Variants in MYO16 observed in about 807,000 individuals in gnomAD.
MYO16 encodes the protein myosin XVI.
Under a neutral mutation model 205.3 loss-of-function variants are expected in MYO16, and 94 were observed. The ratio of observed to expected loss-of-function variants is 0.46; its 90% CI spans 0.39 to 0.54. MYO16 has a LOEUF of 0.54. Among genes scored for constraint, MYO16 ranks in the 20% least tolerant of loss-of-function variants. MYO16 has a pLI of 0.00. For missense variants in MYO16, 2,315 were observed against 2,387.5 expected, an observed-to-expected ratio of 0.97 and a Z score of 0.63; for synonymous variants, 988 against 954.0, an observed-to-expected ratio of 1.04 and a Z score of -0.66.
chr13:108,583,191 T>A, the MYO16 span, among the ~76,000 whole-genome samples: 1 of 152,210 alleles, frequency 6.6e-6, no homozygotes, highest in African/African-American at 2.4e-5. Context: ...AAATCAGCTA[T>A]GTAGAATTCT....
At chr13:109,144,107 C>T (rs1224976130) in intron 32 of MYO16, among the ~76,000 whole-genome samples, 2 of 151,456 alleles carry the variant, frequency 1.3e-5, no homozygotes, top group Non-Finnish European at 2.9e-5. Context: ...CTCTGCCTTC[C>T]AAGTTCAAGC....
chr13:108,734,507 G>C (rs1884626764), intron 4 of MYO16, among the ~76,000 whole-genome samples: 1 of 152,118 alleles, frequency 6.6e-6, no homozygotes, highest in Non-Finnish European at 1.5e-5. Context: ...CACCTATGTT[G>C]GACAGAGTTT....
chr13:108,996,186 A>T (rs988016052), intron 21 of MYO16, among the ~76,000 whole-genome samples: 1 of 152,268 alleles, frequency 6.6e-6, no homozygotes, highest in African/African-American at 2.4e-5. Flanking sequence ...TATAATAAGT[A>T]CAATACTAGT....
chr13:108,518,719 A>T, the MYO16 span, among the ~76,000 whole-genome samples: 1 of 152,250 alleles, frequency 6.6e-6, no homozygotes, highest in Non-Finnish European at 1.5e-5. Flanking sequence ...CTAAGGACAG[A>T]TATTTAAAAA....
Position 109,141,816 on chromosome 13 carries a change from C to T in MYO16, c.5164+440C>T, listed in dbSNP as rs1877113481. On this transcript the variant is annotated intron_variant, in intron 32 of 34. Transcript: ENST00000457511. The surrounding 1 kb of genome is among the most constrained non-coding windows in gnomAD (Gnocchi z 4.1). ...CCCGAGCGTGCGGTTTGCCATCCAT[C>T]TAGCTTTGCCTGGCGGTGTCTGGGA... Among the ~76,000 whole-genome samples the T allele has an allele frequency of 1.3e-5, 2 of 152,218 alleles. No individual in the cohort carries two copies. The highest frequency in any genetic ancestry group is 2.1e-4 in the South Asian group (1 of 4,834).
the MYO16 span, among the ~76,000 whole-genome samples, chr13:108,497,724 T>G: frequency 6.6e-6 from 1 of 152,182 alleles, no homozygotes; most frequent in South Asian, 2.1e-4. Context: ...ATTAATACTA[T>G]GAAGGTTTCT....
chr13:108,947,165 G>A (rs1427527983), intron 16 of MYO16, among the ~76,000 whole-genome samples: 2 of 152,160 alleles, frequency 1.3e-5, no homozygotes, highest in Non-Finnish European at 2.9e-5. Context: ...TAAAGTTTTG[G>A]TGAAGATGCC....
At chr13:109,023,157 T>A (rs1163285018) in intron 23 of MYO16, among the ~76,000 whole-genome samples, 1 of 130,098 alleles carries the variant, frequency 7.7e-6, no homozygotes, top group Non-Finnish European at 1.5e-5. Flanking sequence ...ATGTATTATA[T>A]ATACAAATAC....
At position 109,144,309 on chromosome 13, in the gene MYO16, C is replaced by T. The variant is rs114290958; in HGVS notation, c.5164+2933C>T. 4.7e-3 allele frequency among the ~76,000 whole-genome samples: 712 copies of T among 152,210 alleles called. 8 individuals are homozygous for T. The highest frequency in any genetic ancestry group is 0.016 in the African/African-American group (670 of 41,534). ...GGATTACAGACGTGAACCACCATGC[C>T]CGGCCAAATGTATAATTCTTTATGG... On this transcript the variant is annotated intron_variant, in intron 32 of 34. Transcript: ENST00000457511.
At chr13:108,544,527 ACAATC>A in the MYO16 span, among the ~76,000 whole-genome samples, 2 of 152,204 alleles carry the variant, frequency 1.3e-5, no homozygotes, top group Non-Finnish European at 2.9e-5. Context: ...TGTGTCACAA[ACAATC>A]CAATTATACT....
At chr13:108,567,432 G>A in the MYO16 span, among the ~76,000 whole-genome samples, 1 of 152,096 alleles carries the variant, frequency 6.6e-6, no homozygotes, top group African/African-American at 2.4e-5. Flanking sequence ...AATTATACCC[G>A]AATTGAGATA....
At chr13:108,819,035 GAA>G (rs545581766) in intron 7 of MYO16, among the ~76,000 whole-genome samples, 1 of 151,922 alleles carries the variant, frequency 6.6e-6, no homozygotes, top group Non-Finnish European at 1.5e-5. Flanking sequence ...CAATCTCTTG[GAA>G]AAAAATATAT....
At chr13:108,720,730 G>A (rs1884131803) in intron 3 of MYO16, among the ~76,000 whole-genome samples, 1 of 152,176 alleles carries the variant, frequency 6.6e-6, no homozygotes, top group Non-Finnish European at 1.5e-5. Flanking sequence ...AGAAGAGAAG[G>A]GGAAGCTTGC....
chr13:108,674,058 A>T (rs925678867), intron 2 of MYO16, among the ~76,000 whole-genome samples: 3 of 152,214 alleles, frequency 2.0e-5, no homozygotes, highest in African/African-American at 7.2e-5. Context: ...GTCGATGATC[A>T]ATATACATTG....
Position 108,831,620 on chromosome 13 carries a change from C to G in MYO16, c.1097+8342C>G, listed in dbSNP as rs550618415. Among the ~76,000 whole-genome samples the G allele has an allele frequency of 9.5e-4, 144 of 152,276 alleles. 2 individuals are homozygous for G. The highest frequency in any genetic ancestry group is 3.2e-3 in the African/African-American group (135 of 41,562). On this transcript the variant is annotated intron_variant, in intron 9 of 34. Coordinates refer to ENST00000457511, the MANE Select transcript of MYO16 (RefSeq NM_001198950.3). ...CTCTGCTTCCTGGGTTCAAGCGATT[C>G]TCTGGCCTCACCTTCCCAAGTAGCT...
At chr13:108,637,632 T>C (rs749677905) in intron 1 of MYO16, among the ~76,000 whole-genome samples, 3 of 152,136 alleles carry the variant, frequency 2.0e-5, no homozygotes, top group Non-Finnish European at 2.9e-5. Context: ...CCCAGCACTT[T>C]GGGAGGCCAA....
chr13:108,803,833 A>G (rs1887035253), intron 6 of MYO16, among the ~76,000 whole-genome samples: 1 of 152,220 alleles, frequency 6.6e-6, no homozygotes, highest in Non-Finnish European at 1.5e-5. Context: ...AAGCAAGCAT[A>G]TAGATATTGT....
At chr13:108,625,029 G>A (rs1879680659), upstream of MYO16, among the ~76,000 whole-genome samples, 1 of 152,138 alleles carries the variant, frequency 6.6e-6, no homozygotes, top group South Asian at 2.1e-4. Context: ...AGTCACTAAA[G>A]CAGGGCTCAG....
At chr13:109,131,795 C>T (rs1485013996) in intron 31 of MYO16, among the ~76,000 whole-genome samples, 1 of 152,184 alleles carries the variant, frequency 6.6e-6, no homozygotes, top group African/African-American at 2.4e-5. Context: ...CTGCAGAGTT[C>T]ATTCCTCACA....
Sources: gnomAD v4.1 joint callset for allele counts (sites outside exome capture counted in the v4.1 genomes callset) on GRCh38, gnomAD v4.1.1 for gene constraint, Gnocchi (gnomAD v3.1) non-coding constraint, MANE v1.5 for transcripts, NCBI Gene and HGNC (gene_info 2026-07-23, HGNC 2026-07-21) for gene names.